The following RRM1 variants were observed in gnomAD, a reference collection of about 807,000 sequenced individuals.
RRM1 encodes the protein ribonucleoside-diphosphate reductase large subunit.
Under a neutral mutation model 101.5 loss-of-function variants are expected in RRM1, and 19 were observed. That is an observed-to-expected ratio of 0.19 (90% CI 0.13 to 0.27). RRM1 has a LOEUF of 0.27. Among genes scored for constraint, RRM1 ranks in the 10% least tolerant of loss-of-function variants. The probability of loss-of-function intolerance (pLI) is 1.00; values close to 1 mark genes in which losing one functional copy is unlikely to be tolerated. For synonymous variants in RRM1, 298 were observed against 323.4 expected, an observed-to-expected ratio of 0.92 and a Z score of 0.84; for missense variants, 500 against 962.9, an observed-to-expected ratio of 0.52 and a Z score of 6.36.
chr11:4,110,333 A>G (rs991067056), intron 5 of RRM1, among the ~76,000 whole-genome samples: 5 of 152,004 alleles, frequency 3.3e-5, no homozygotes, highest in Admixed American at 3.3e-4. Context: ...TTGTATTTTT[A>G]GTAGAGACGG....
At position 4,138,579 on chromosome 11, in the gene RRM1, A is replaced by G. The variant is rs1488557950; in HGVS notation, c.*196A>G. 3.9e-5 allele frequency: 15 copies of G among 386,382 alleles called. No homozygotes were observed. Among genetic ancestry groups the G allele is most frequent in the Non-Finnish European group, 6.8e-5 (15 of 220,192 alleles). The allele number at this position is 386,382 out of a possible 1,614,324, so 23.9% of individuals were successfully genotyped here. ...CTCATATATTGGGATTTTCACCAAA[A>G]TAATGCTTTTGAAAAAAAGAAAAAA... On this transcript the variant is annotated 3_prime_UTR_variant, in exon 19 of 19. Coordinates refer to ENST00000300738, the MANE Select transcript of RRM1 (RefSeq NM_001033.5).
chr11:4,102,435 A>T (rs1000149197), intron 2 of RRM1, among the ~76,000 whole-genome samples: 28 of 152,148 alleles, frequency 1.8e-4, no homozygotes, highest in Non-Finnish European at 3.7e-4. Flanking sequence ...AGGTGGGCAG[A>T]TCACCTGAGG....
At chr11:4,130,989 A>G (rs1045332114) in intron 15 of RRM1, among the ~76,000 whole-genome samples, 1 of 152,216 alleles carries the variant, frequency 6.6e-6, no homozygotes, top group African/African-American at 2.4e-5. Context: ...TAAATAAAAA[A>G]ATAATAATAA....
intron 1 of RRM1, among the ~76,000 whole-genome samples, chr11:4,099,135 T>C (rs1015781972): frequency 6.6e-6 from 1 of 151,928 alleles, no homozygotes; most frequent in Admixed American, 6.6e-5. Flanking sequence ...TGCTAGAGGA[T>C]TTTTTAATTT....
At chr11:4,098,165 A>T (rs1565177454) in intron 1 of RRM1, among the ~76,000 whole-genome samples, 2 of 152,254 alleles carry the variant, frequency 1.3e-5, no homozygotes, top group Admixed American at 6.5e-5. Flanking sequence ...ACATGTGTAT[A>T]TATGTGGATA....
At chr11:4,133,718 T>A in intron 17 of RRM1, 60 bp downstream of exon 17, 1 of 932,282 alleles carries the variant, frequency 1.1e-6, no homozygotes, top group Non-Finnish European at 1.7e-6. Context: ...TGGTACCTCC[T>A]CACTCATGCT....
At chr11:4,109,819 C>A (rs1212205270) in intron 5 of RRM1, 116 bp downstream of exon 5, 6 of 734,418 alleles carry the variant, frequency 8.2e-6, no homozygotes, top group Non-Finnish European at 1.1e-5. Flanking sequence ...TTGAGATGGA[C>A]CTGGGGAATT....
At chr11:4,129,857 A>G (rs1469067851) in intron 15 of RRM1, among the ~76,000 whole-genome samples, 1 of 151,776 alleles carries the variant, frequency 6.6e-6, no homozygotes, top group East Asian at 1.9e-4. Context: ...TTAAATTAAA[A>G]TTGTTTTCCT....
At chr11:4,129,005 T>TA in intron 14 of RRM1, 69 bp from the exon 15 acceptor site, 1 of 813,364 alleles carries the variant, frequency 1.2e-6, no homozygotes. Flanking sequence ...TAGTCATTTG[T>TA]GGGTTTTTTT....
chr11:4,128,028 A>G (rs1236966160), intron 14 of RRM1, among the ~76,000 whole-genome samples: 1 of 152,092 alleles, frequency 6.6e-6, no homozygotes, highest in Non-Finnish European at 1.5e-5. Flanking sequence ...GACTCATGGC[A>G]TCTTGCTTCT....
chr11:4,106,378 C>A, intron 3 of RRM1, 155 bp downstream of exon 3: 2 of 643,278 alleles, frequency 3.1e-6, no homozygotes, highest in Non-Finnish European at 5.4e-6. Flanking sequence ...GCAGGCAAAT[C>A]GCTTGAGTCC....
rs746526097 is a variant in RRM1 at position 4,130,066 on chromosome 11, T to TTATATATATATATA, written c.1769+924_1769+937dup. On this transcript the variant is annotated intron_variant, in intron 15 of 18. Transcript: ENST00000300738. The stretch of plus-strand genomic sequence containing the variant: ...TTAAGAAAATGGACCTGTACTGTAT[T>TTATATATATATATA]TATATATATATATATATATATTTTT... 2.2e-3 allele frequency among the ~76,000 whole-genome samples: 73 copies of TTATATATATATATA among 32,974 alleles called. 4 individuals carry two copies. Among genetic ancestry groups the TTATATATATATATA allele is most frequent in the African/African-American group, 5.8e-3 (57 of 9,834 alleles). The allele number at this position is 32,974 out of a possible 152,430, so 21.6% of individuals were successfully genotyped here.
At chr11:4,097,559 C>A (rs2094545433) in intron 1 of RRM1, among the ~76,000 whole-genome samples, 1 of 151,418 alleles carries the variant, frequency 6.6e-6, no homozygotes, top group African/African-American at 2.4e-5. Flanking sequence ...TTATTTTTGG[C>A]ATGTCAGTGG....
intron 15 of RRM1, among the ~76,000 whole-genome samples, chr11:4,131,159 C>T (rs1307610330): frequency 6.6e-6 from 1 of 152,156 alleles, no homozygotes; most frequent in African/African-American, 2.4e-5. Flanking sequence ...GAAGGGGAGG[C>T]AAACAGGTCC....
chr11:4,123,120 A>C (rs1314281807), intron 11 of RRM1, 63 bp from the exon 12 acceptor site: 2 of 1,233,930 alleles, frequency 1.6e-6, no homozygotes, highest in Admixed American at 4.3e-5. Flanking sequence ...AATGTCTTCA[A>C]GTTGTCTACA....
chr11:4,102,094 G>C lies in RRM1; in HGVS notation c.108+13G>C. On this transcript the variant is annotated intron_variant, in intron 2 of 18. Transcript: ENST00000300738. ...TTTTGTTGATCCTGTAAGTAAATAT[G>C]GTTTTTATCTTGGGTTCCTTCTTTC... 1 of 1,366,704 alleles carries C rather than the reference G, an allele frequency of 7.3e-7. No homozygotes were observed. Among genetic ancestry groups the C allele is most frequent in the South Asian group, 1.2e-5 (1 of 84,026 alleles). 84.7% of individuals were successfully genotyped at this position (1,366,704 alleles called of 1,614,324 possible).
At position 4,133,652 on chromosome 11, in the gene RRM1, T is replaced by A; in HGVS notation, c.1995T>A (p.Ser665=). ...ACCAGATTATTGCATGCAATGGCTCTATTCAGGTATAGAATGAAAATGAAG... is the reference window on the plus strand; with the variant it reads ...ACCAGATTATTGCATGCAATGGCTCAATTCAGGTATAGAATGAAAATGAAG... ...MKNQIIACNG[S]IQSIPEIPDD... is the part of the protein sequence containing the mutation. Residue 665 remains serine, a synonymous_variant, in exon 17 of 19, where the codon TCT becomes TCA. Transcript: ENST00000300738. The A allele has an allele frequency of 6.3e-7, 1 of 1,592,962 alleles. No homozygotes were observed. The highest frequency in any genetic ancestry group is 8.6e-7 in the Non-Finnish European group (1 of 1,161,502).
chr11:4,133,680 T>C lies in RRM1; in HGVS notation c.2001+22T>C, dbSNP rs2239559. On this transcript the variant is annotated intron_variant, in intron 17 of 18. Coordinates refer to ENST00000300738, the MANE Select transcript of RRM1 (RefSeq NM_001033.5). The stretch of plus-strand genomic sequence containing the variant: ...TCAGGTATAGAATGAAAATGAAGTG[T>C]GCTCTGCAGGGGCTGAGTTGGACAT... The C allele has an allele frequency of 9.3e-5, 134 of 1,435,462 alleles. 1 individual carries two copies. The East Asian group carries it at 2.9e-3, about 31-fold the overall frequency. 88.9% of individuals were successfully genotyped at this position (1,435,462 alleles called of 1,614,324 possible). A position where few individuals can be genotyped will look rare whatever the true frequency, so the allele number is the denominator to read the frequency against.
chr11:4,130,212 T>G (rs2094597629), intron 15 of RRM1, among the ~76,000 whole-genome samples: 1 of 150,418 alleles, frequency 6.6e-6, no homozygotes, highest in Non-Finnish European at 1.5e-5. Context: ...AATACAGAAA[T>G]AAAATAGAAA....
Sources: allele counts gnomAD v4.1 joint callset (sites outside exome capture counted in the v4.1 genomes callset), GRCh38; gene constraint gnomAD v4.1.1; transcripts MANE v1.5; gene names NCBI Gene and HGNC (gene_info 2026-07-23, HGNC 2026-07-21).